Variants in KIF9 observed in about 807,000 individuals in gnomAD.
KIF9 encodes the protein kinesin-like protein KIF9.
KIF9 carries 68 observed loss-of-function variants against 94.8 expected under a neutral mutation model. The observed-to-expected ratio is 0.72, with a 90% confidence interval of 0.59 to 0.88. The LOEUF (loss-of-function observed/expected upper bound fraction) is 0.88, where lower values mean the gene tolerates loss of function less well. Among genes scored for constraint, KIF9 ranks in the 40% least tolerant of loss-of-function variants. The probability of loss-of-function intolerance (pLI) is 0.00; values close to 1 mark genes in which losing one functional copy is unlikely to be tolerated. For synonymous variants in KIF9, 343 were observed against 362.1 expected, an observed-to-expected ratio of 0.95 and a Z score of 0.60; for missense variants, 882 against 982.5, an observed-to-expected ratio of 0.90 and a Z score of 1.37.
chr3:47,258,510 T>C (rs1455971504), intron 9 of KIF9, among the ~76,000 whole-genome samples: 1 of 152,210 alleles, frequency 6.6e-6, no homozygotes, highest in Non-Finnish European at 1.5e-5. Context: ...CCAAATCTCA[T>C]GTTGAAATAT....
chr3:47,267,004 G>A lies in KIF9; in HGVS notation c.740C>T (p.Ala247Val), dbSNP rs1701328704. ...AGACTTCCCCAGCCTCTCTGAGCCT[G>A]CCAGATCCACCAAGTTAATTTTGGA... ...ITSKINLVDL[A>V]GSERLGKSGS... is the part of the protein sequence containing the mutation. Residue 247 changes from alanine to valine, a missense_variant, in exon 7 of 21, where the codon GCA becomes GTA. Transcript: ENST00000684063. 6.2e-7 allele frequency: 1 copy of A among 1,613,858 alleles called. No individual in the cohort carries two copies. The highest frequency in any genetic ancestry group is 8.5e-7 in the Non-Finnish European group (1 of 1,179,950).
At chr3:47,275,542 A>AT (rs1701912785) in intron 2 of KIF9, 52 bp from the exon 3 acceptor site, 2 of 1,445,770 alleles carry the variant, frequency 1.4e-6, no homozygotes, top group South Asian at 1.2e-5. Context: ...AAAAATGGGT[A>AT]TAAAAAAAAT....
chr3:47,277,499 C>A, intron 1 of KIF9, 120 bp from the exon 2 acceptor site: 1 of 673,788 alleles, frequency 1.5e-6, no homozygotes, highest in African/African-American at 1.8e-5. Flanking sequence ...TCCCTCTCTC[C>A]CTGAAAGCCA....
At chr3:47,249,548 T>C (rs1216570998) in intron 10 of KIF9, among the ~76,000 whole-genome samples, 5 of 152,222 alleles carry the variant, frequency 3.3e-5, no homozygotes, top group African/African-American at 4.8e-5. Flanking sequence ...CAGTGATCTA[T>C]GAGGCTTTTG....
intron 20 of KIF9, 84 bp downstream of exon 20, chr3:47,235,429 A>G (rs1405496817): frequency 1.1e-6 from 1 of 945,614 alleles, no homozygotes; most frequent in South Asian, 1.3e-5. Flanking sequence ...TTCCTCCCCT[A>G]CCTCTCTAAA....
chr3:47,271,049 C>CA (rs1701615748), intron 5 of KIF9, among the ~76,000 whole-genome samples, 188 bp downstream of exon 5: 1 of 151,224 alleles, frequency 6.6e-6, no homozygotes, highest in African/African-American at 2.4e-5. Flanking sequence ...GAGGCTGAGG[C>CA]AGGAGGATCA....
At chr3:47,256,403 C>A (rs1700599306) in intron 10 of KIF9, among the ~76,000 whole-genome samples, 1 of 151,992 alleles carries the variant, frequency 6.6e-6, no homozygotes, top group South Asian at 2.1e-4. Context: ...AGCCCCTCCG[C>A]CCGGCAGCCA....
rs573643483 is a variant in KIF9 at position 47,266,022 on chromosome 3, C to T, written c.769-145G>A. The T allele has an allele frequency of 8.0e-6, 6 of 747,880 alleles. No individual in the cohort carries two copies. In the Admixed American group the frequency reaches 1.6e-4, roughly 20 times the overall value. 46.3% of individuals were successfully genotyped at this position (747,880 alleles called of 1,614,324 possible). On this transcript the variant is annotated intron_variant, in intron 7 of 20. Transcript: ENST00000684063. ...CAGAACCAGGGTCTTCTTTCAATGT[C>T]ATGCGATTGTATTCCATCTTGGGCT...
intron 13 of KIF9, 122 bp downstream of exon 13, chr3:47,246,075 G>A (rs1023378792): frequency 9.2e-5 from 70 of 764,692 alleles, no homozygotes; most frequent in Non-Finnish European, 1.3e-4. Flanking sequence ...TGCCCCCAAG[G>A]ACTCTGATTT....
chr3:47,258,626 C>T (rs1468885708), intron 9 of KIF9, among the ~76,000 whole-genome samples: 1 of 152,032 alleles, frequency 6.6e-6, no homozygotes, highest in Non-Finnish European at 1.5e-5. Context: ...CTTATGAGAT[C>T]TGGTCATTTA....
chr3:47,271,193 G>A, intron 5 of KIF9, 44 bp downstream of exon 5: 2 of 1,337,640 alleles, frequency 1.5e-6, no homozygotes, highest in East Asian at 2.3e-5. Context: ...GAGGGTGGCA[G>A]GGAGGGAGAG....
In KIF9 at chr3:47,244,789, A is replaced by G. The variant is rs1465282101; in HGVS notation, c.1514+2T>C. On this transcript the variant is annotated splice_donor_variant, in intron 15 of 20. Transcript: ENST00000684063. LOFTEE classifies it high-confidence loss of function. ...AGGAGGCAGAGCGGCAAGGTCACTC[A>G]CCTGAGTGGCTCTTTGAATGTCTTC... is the stretch of plus-strand genomic sequence containing the variant. 6.2e-7 allele frequency: 1 copy of G among 1,613,682 alleles called. No individual in the cohort carries two copies. Among genetic ancestry groups the G allele is most frequent in the African/African-American group, 1.3e-5 (1 of 75,008 alleles).
chr3:47,253,184 C>G (rs1700377366), intron 10 of KIF9, among the ~76,000 whole-genome samples: 1 of 152,056 alleles, frequency 6.6e-6, no homozygotes, highest in Non-Finnish European at 1.5e-5. Flanking sequence ...TAGACAGATT[C>G]TCCCTCTATT....
At chr3:47,270,158 C>G (rs1217873358) in intron 5 of KIF9, among the ~76,000 whole-genome samples, 1 of 152,122 alleles carries the variant, frequency 6.6e-6, no homozygotes, top group Non-Finnish European at 1.5e-5. Context: ...CCCACCTCAG[C>G]CTCTCAAAGT....
chr3:47,241,633 A>AT (rs1365667338), intron 16 of KIF9, among the ~76,000 whole-genome samples: 1 of 139,354 alleles, frequency 7.2e-6, no homozygotes, highest in Non-Finnish European at 1.6e-5. Context: ...TGGATTTCAT[A>AT]TATGTGTGTG....
intron 20 of KIF9, among the ~76,000 whole-genome samples, chr3:47,233,159 G>A (rs148705167): frequency 9.7e-4 from 146 of 151,070 alleles, no homozygotes; most frequent in African/African-American, 3.3e-3. Flanking sequence ...TCAGGAGTTT[G>A]AGACCAGCCT....
chr3:47,236,776 A>T (rs1286150387), intron 17 of KIF9, among the ~76,000 whole-genome samples, 157 bp from the exon 18 acceptor site: 2 of 152,156 alleles, frequency 1.3e-5, no homozygotes, highest in Non-Finnish European at 2.9e-5. Context: ...AAAGCACAAG[A>T]AGGCCAGGCT....
At chr3:47,280,542 CA>C (rs1247892068) in intron 1 of KIF9, among the ~76,000 whole-genome samples, 5 of 152,174 alleles carry the variant, frequency 3.3e-5, no homozygotes, top group Non-Finnish European at 4.4e-5. Context: ...CTTGTCTCTA[CA>C]AAAAATTTTA....
rs1195126278 is a variant in KIF9 at position 47,252,433 on chromosome 3, GA to G, written c.1060-4348del. Among the ~76,000 whole-genome samples, 266 of 143,628 alleles carry G rather than the reference GA, an allele frequency of 1.9e-3. 1 individual carries two copies. Among genetic ancestry groups the G allele is most frequent in the African/African-American group, 2.4e-3 (95 of 39,406 alleles). The allele number at this position is 143,628 out of a possible 152,430, so 94.2% of individuals were successfully genotyped here. A position where few individuals can be genotyped will look rare whatever the true frequency, so the allele number is the denominator to read the frequency against. On this transcript the variant is annotated intron_variant, in intron 10 of 20. Transcript: ENST00000684063. ...ACATAGGGAGACCCCATCACTAGAG[GA>G]AAAAAAAAAAAATTAAGTCAGGCGT... is the stretch of plus-strand genomic sequence containing the variant.
Sources: gnomAD v4.1 joint callset for allele counts (sites outside exome capture counted in the v4.1 genomes callset) on GRCh38, gnomAD v4.1.1 for gene constraint, MANE v1.5 for transcripts, NCBI Gene and HGNC (gene_info 2026-07-23, HGNC 2026-07-21) for gene names.